Variants in ARHGAP5 observed in about 807,000 individuals in gnomAD.
ARHGAP5 encodes rho GTPase-activating protein 5.
A neutral mutation model predicts 116.6 loss-of-function variants in ARHGAP5; 23 were observed. The ratio of observed to expected loss-of-function variants is 0.20; its 90% CI spans 0.14 to 0.28. The LOEUF (loss-of-function observed/expected upper bound fraction) is 0.28. ARHGAP5 is among the 10% of genes least tolerant of loss of function. The pLI, the probability that ARHGAP5 is intolerant of heterozygous loss-of-function variation, is 1.00. For synonymous variants in ARHGAP5, 574 were observed against 602.0 expected (o/e 0.95, Z 0.68); for missense variants, 1,405 against 1,774.8 (o/e 0.79, Z 3.74).
intron 3 of ARHGAP5, among the ~76,000 whole-genome samples, chr14:32,131,983 C>G (rs972099018): frequency 1.1e-4 from 16 of 152,194 alleles, no homozygotes; most frequent in African/African-American, 2.9e-4. Context: ...CCAGTCTGTC[C>G]TTGTTGGACA....
At chr14:32,136,500 G>A (rs868771154) in intron 3 of ARHGAP5, among the ~76,000 whole-genome samples, 12 of 152,190 alleles carry the variant, frequency 7.9e-5, no homozygotes, top group Admixed American at 3.9e-4. Flanking sequence ...ACATTTAGCC[G>A]TTTATTCATT....
intron 3 of ARHGAP5, among the ~76,000 whole-genome samples, chr14:32,133,193 C>T (rs1477000445): frequency 4.6e-5 from 7 of 152,248 alleles, no homozygotes; most frequent in Admixed American, 2.0e-4. Flanking sequence ...GCCATTTTCA[C>T]GATATTGATT....
intron 6 of ARHGAP5, among the ~76,000 whole-genome samples, chr14:32,153,051 G>GTT (rs773823740): frequency 5.0e-5 from 4 of 79,906 alleles, no homozygotes; most frequent in Non-Finnish European, 8.1e-5. Flanking sequence ...GGTTTTTTTT[G>GTT]TTTTTTTTTT....
At chr14:32,148,125 C>G (rs150570869) in intron 4 of ARHGAP5, among the ~76,000 whole-genome samples, 202 of 152,208 alleles carry the variant, frequency 1.3e-3, no homozygotes, top group Non-Finnish European at 2.1e-3. Context: ...TGCACTCCAG[C>G]CTGGGTGACA....
intron 3 of ARHGAP5, among the ~76,000 whole-genome samples, chr14:32,127,554 A>G (rs1880234031): frequency 6.6e-6 from 1 of 152,246 alleles, no homozygotes; most frequent in Admixed American, 6.5e-5. Flanking sequence ...AACAAAATGG[A>G]GTCTCCTATG....
At chr14:32,081,332 G>C (rs1451235492) in intron 1 of ARHGAP5, among the ~76,000 whole-genome samples, 4 of 152,056 alleles carry the variant, frequency 2.6e-5, no homozygotes, top group Non-Finnish European at 5.9e-5. Context: ...AATGAAGGGG[G>C]AAAAAGACAT....
intron 2 of ARHGAP5, among the ~76,000 whole-genome samples, chr14:32,101,093 C>T (rs1594354339): frequency 6.6e-6 from 1 of 152,058 alleles, no homozygotes; most frequent in Admixed American, 6.5e-5. Flanking sequence ...GTTTTCCTGT[C>T]TTATTCCAGG....
At chr14:32,112,646 G>A (rs1000375812) in intron 2 of ARHGAP5, among the ~76,000 whole-genome samples, 3 of 152,206 alleles carry the variant, frequency 2.0e-5, no homozygotes, top group African/African-American at 7.2e-5. Context: ...GCCAAGGCGG[G>A]CAGATTACGA....
intron 3 of ARHGAP5, among the ~76,000 whole-genome samples, chr14:32,137,854 C>G (rs973554989): frequency 1.3e-5 from 2 of 151,934 alleles, no homozygotes; most frequent in African/African-American, 4.8e-5. Flanking sequence ...CGCCTGTAAT[C>G]CCAGCTACTC....
intron 3 of ARHGAP5, among the ~76,000 whole-genome samples, chr14:32,133,468 G>A (rs1344035779): frequency 2.0e-5 from 3 of 152,046 alleles, no homozygotes; most frequent in African/African-American, 7.2e-5. Context: ...TTATCAGCTT[G>A]AGGAGATTTT....
intron 2 of ARHGAP5, among the ~76,000 whole-genome samples, chr14:32,104,325 A>C (rs916405048): frequency 8.5e-5 from 13 of 152,234 alleles, no homozygotes; most frequent in Non-Finnish European, 1.9e-4. Flanking sequence ...AATGCTTTTT[A>C]GGAAGATGTT....
At chr14:32,136,183 G>A (rs1436926979) in intron 3 of ARHGAP5, among the ~76,000 whole-genome samples, 1 of 152,104 alleles carries the variant, frequency 6.6e-6, no homozygotes, top group Non-Finnish European at 1.5e-5. Flanking sequence ...ATAATTCAGA[G>A]GCATTTAGTA....
At chr14:32,120,659 G>T (rs1286976837) in intron 3 of ARHGAP5, among the ~76,000 whole-genome samples, 5 of 146,548 alleles carry the variant, frequency 3.4e-5, no homozygotes, top group African/African-American at 5.1e-5. Flanking sequence ...TAAATATTTG[G>T]TGGTTTTCCA....
chr14:32,136,836 G>A (rs970558369), intron 3 of ARHGAP5, among the ~76,000 whole-genome samples: 10 of 151,990 alleles, frequency 6.6e-5, no homozygotes, highest in African/African-American at 2.2e-4. Flanking sequence ...ATTTCCCGTT[G>A]ACTAATGATG....
chr14:32,129,158 G>A (rs189171321), intron 3 of ARHGAP5, among the ~76,000 whole-genome samples: 12 of 152,302 alleles, frequency 7.9e-5, no homozygotes, highest in Admixed American at 5.2e-4. Flanking sequence ...TTTTGGTTAG[G>A]TTAGATAGAA....
In ARHGAP5 at chr14:32,104,299, A is replaced by G. The variant is rs189104348; in HGVS notation, c.3717+9913A>G. Among the ~76,000 whole-genome samples, 248 of 152,330 alleles carry G rather than the reference A, an allele frequency of 1.6e-3. 1 individual carries two copies. Among genetic ancestry groups the G allele is most frequent in the African/African-American group, 5.7e-3 (238 of 41,572 alleles). On this transcript the variant is annotated intron_variant, in intron 2 of 6. Transcript: ENST00000345122. Reference sequence around the variant, plus strand: ...GGCATTAATAAAATATCTGCCACATATATAATATATGTTGAAATGCTTTTT... The same window carrying G: ...GGCATTAATAAAATATCTGCCACATGTATAATATATGTTGAAATGCTTTTT...
chr14:32,121,657 T>G (rs1039334864), intron 3 of ARHGAP5, among the ~76,000 whole-genome samples: 4 of 152,162 alleles, frequency 2.6e-5, no homozygotes, highest in African/African-American at 9.7e-5. Flanking sequence ...AGTGTACAGT[T>G]TATTCACAGA....
intron 3 of ARHGAP5, among the ~76,000 whole-genome samples, chr14:32,119,334 C>T (rs1879765038): frequency 6.6e-6 from 1 of 151,938 alleles, no homozygotes; most frequent in African/African-American, 2.4e-5. Flanking sequence ...TGATATTTTG[C>T]TGTTTATAGA....
At position 32,093,650 on chromosome 14, in the gene ARHGAP5, T is replaced by C. The variant is rs1878377211; in HGVS notation, c.2981T>C (p.Ile994Thr). The change falls in exon 2 of 7, where the codon ATT (isoleucine) becomes ACT (threonine). Residue 994 changes from isoleucine to threonine, a missense_variant. Physicochemically the swap from Ile to Thr is moderately conservative, Grantham distance 89. Transcript: ENST00000345122. Reference protein sequence around the residue: ...DTEAPPPYSPIGDDVQLLPTP... With the variant: ...DTEAPPPYSPTGDDVQLLPTP... ...GAAGCACCACCTCCTTATAGTCCAA[T>C]TGGGGATGATGTACAGTTGCTTCCA... 2.5e-6 allele frequency: 4 copies of C among 1,613,756 alleles called. No homozygotes were observed. The highest frequency in any genetic ancestry group is 1.7e-5 in the Admixed American group (1 of 59,974).
Sources: gnomAD v4.1 joint callset for allele counts (sites outside exome capture counted in the v4.1 genomes callset) on GRCh38, gnomAD v4.1.1 for gene constraint, MANE v1.5 for transcripts, NCBI Gene and HGNC (gene_info 2026-07-23, HGNC 2026-07-21) for gene names.